VHL: variants seen among roughly 807,000 people sequenced by gnomAD.
VHL encodes von Hippel-Lindau tumor suppressor, also known as von Hippel-Lindau disease tumor suppressor.
In VHL, 10 loss-of-function variants were observed where a neutral mutation model predicts 19.2. That is an observed-to-expected ratio of 0.52 (90% CI 0.32 to 0.89). VHL has a LOEUF of 0.89. Ranked by LOEUF, VHL falls within the 40% of genes least tolerant of loss-of-function variation. The pLI is 0.03. For synonymous variants in VHL, 167 were observed against 129.5 expected, an observed-to-expected ratio of 1.29 and a Z score of -1.97; for missense variants, 328 against 292.7, an observed-to-expected ratio of 1.12 and a Z score of -0.88.
Position 10,149,990 on chromosome 3 carries a change from T to C in VHL, c.*25T>C, listed in dbSNP as rs373943536. The C allele has an allele frequency of 6.2e-7, 1 of 1,606,322 alleles. No homozygotes were observed. Among genetic ancestry groups the C allele is most frequent in the African/African-American group, 1.3e-5 (1 of 74,832 alleles). On this transcript the variant is annotated 3_prime_UTR_variant, in exon 3 of 3. Coordinates refer to ENST00000256474, the MANE Select transcript of VHL (RefSeq NM_000551.4). The stretch of plus-strand genomic sequence containing the variant: ...AAGATTTCTGTTGAAACTTACACTG[T>C]TTCATCTCAGCTTTTGATGGTACTG...
rs1194274714 is a variant in VHL, at chr3:10,152,611, C to G, written c.*2646C>G. On this transcript the variant is annotated 3_prime_UTR_variant, in exon 3 of 3. Transcript: ENST00000256474. Reference sequence around the variant, plus strand: ...GAGTTCAAGTGATTCTCCTGGCTCACCCTCCTGAGTAGCTGGGATTACAGG... The same window carrying G: ...GAGTTCAAGTGATTCTCCTGGCTCAGCCTCCTGAGTAGCTGGGATTACAGG... 6.8e-6 allele frequency among the ~76,000 whole-genome samples: 1 copy of G among 147,044 alleles called. No homozygotes were observed. Among genetic ancestry groups the G allele is most frequent in the Non-Finnish European group, 1.5e-5 (1 of 67,154 alleles).
rs1696367993 is a variant in VHL at position 10,149,960 on chromosome 3, G to C, written c.637G>C (p.Asp213His). 1 of 1,613,272 alleles carries C rather than the reference G, an allele frequency of 6.2e-7. No homozygotes were observed. The highest frequency in any genetic ancestry group is 8.5e-7 in the Non-Finnish European group (1 of 1,179,660). The change falls in exon 3 of 3, where the codon GAT becomes CAT. Residue 213 changes from aspartate (D) to histidine (H), a missense_variant. Physicochemically the swap from Asp to His is moderately conservative, Grantham distance 81 (BLOSUM62 -1). Transcript: ENST00000256474. ...GCGCATTGCACATCAACGGATGGGA[G>C]ATTGAAGATTTCTGTTGAAACTTAC... is the stretch of plus-strand genomic sequence containing the variant. Reference protein sequence around the residue: ...QERIAHQRMGD With the variant: ...QERIAHQRMGH
chr3:10,142,996 A>G lies in VHL; in HGVS notation c.340+809A>G, dbSNP rs1377166151. 1.3e-5 allele frequency: 2 copies of G among 152,324 alleles called. No homozygotes were observed. Among genetic ancestry groups the G allele is most frequent in the Non-Finnish European group, 2.9e-5 (2 of 68,120 alleles). The allele number at this position is 152,324 out of a possible 1,614,324, so 9.4% of individuals were successfully genotyped here. On this transcript the variant is annotated intron_variant, in intron 1 of 2. Coordinates refer to ENST00000256474, the MANE Select transcript of VHL (RefSeq NM_000551.4). Reference sequence around the variant, plus strand: ...CTTCCCGGAGAAGGAAGAGAGCAGGATGGAGTAGGAACTAGCCAACCCTAG... The same window carrying G: ...CTTCCCGGAGAAGGAAGAGAGCAGGGTGGAGTAGGAACTAGCCAACCCTAG...
chr3:10,153,530 G>A lies in VHL; in HGVS notation c.*3565G>A, dbSNP rs1696472030. Among the ~76,000 whole-genome samples, 3 of 151,760 alleles carry A rather than the reference G, an allele frequency of 2.0e-5. No individual in the cohort carries two copies. The highest frequency in any genetic ancestry group is 2.0e-4 in the Admixed American group (3 of 15,206). Reference sequence around the variant, plus strand: ...AAAACCTGTAGCATGAATAATGTTTGTTTTTCATTTCGAATCTTGTGAATG... The same window carrying A: ...AAAACCTGTAGCATGAATAATGTTTATTTTTCATTTCGAATCTTGTGAATG... On this transcript the variant is annotated 3_prime_UTR_variant, in exon 3 of 3. Coordinates refer to ENST00000256474, the MANE Select transcript of VHL (RefSeq NM_000551.4).
At chr3:10,145,555 A>G (rs1233127505) in intron 1 of VHL, among the ~76,000 whole-genome samples, 2 of 151,792 alleles carry the variant, frequency 1.3e-5, no homozygotes, top group Non-Finnish European at 2.9e-5. Flanking sequence ...AATAACAAAA[A>G]ATTAGCCGGG....
At chr3:10,143,851 G>T (rs949474557) in intron 1 of VHL, among the ~76,000 whole-genome samples, 3 of 152,188 alleles carry the variant, frequency 2.0e-5, no homozygotes, top group African/African-American at 4.8e-5. Context: ...GACTGCTGTC[G>T]AGGAAGCAGT....
chr3:10,151,832 A>G lies in VHL; in HGVS notation c.*1867A>G, dbSNP rs566885734. ...GTAATCCCAGTACTTTGGAAAGCCAAGGTAAGAGGATTGCTTGAGCCCAGA... is the reference window on the plus strand; with the variant it reads ...GTAATCCCAGTACTTTGGAAAGCCAGGGTAAGAGGATTGCTTGAGCCCAGA... On this transcript the variant is annotated 3_prime_UTR_variant, in exon 3 of 3. Transcript: ENST00000256474. 35 of 195,118 alleles carry G rather than the reference A, an allele frequency of 1.8e-4. No individual in the cohort carries two copies. The highest frequency in any genetic ancestry group is 1.4e-3 in the South Asian group (7 of 5,174). The allele number at this position is 195,118 out of a possible 1,614,324, so 12.1% of individuals were successfully genotyped here. A position where few individuals can be genotyped will look rare whatever the true frequency, so the allele number is the denominator to read the frequency against.
intron 1 of VHL, 136 bp downstream of exon 1, chr3:10,142,323 C>A: frequency 1.5e-6 from 1 of 679,304 alleles, no homozygotes; most frequent in Non-Finnish European, 2.4e-6. Context: ...TGACGCTGCT[C>A]GTAAGCGTCA....
intron 1 of VHL, 82 bp from the exon 2 acceptor site, chr3:10,146,432 C>T (rs2125128049): frequency 6.3e-7 from 1 of 1,594,766 alleles, no homozygotes; most frequent in Non-Finnish European, 8.6e-7. Flanking sequence ...CCTCGGCCTC[C>T]CAAAGTGCTG....
rs1389580152 is a variant in VHL at position 10,151,434 on chromosome 3, A to G, written c.*1469A>G. Reference sequence around the variant, plus strand: ...AGCTTTTTAAAAAAATCTCCCCAGTAGAGAAACATTTGGAAAAGACAGAAA... The same window carrying G: ...AGCTTTTTAAAAAAATCTCCCCAGTGGAGAAACATTTGGAAAAGACAGAAA... On this transcript the variant is annotated 3_prime_UTR_variant, in exon 3 of 3. Transcript: ENST00000256474. 6 of 222,760 alleles carry G rather than the reference A, an allele frequency of 2.7e-5. No homozygotes were observed. Among genetic ancestry groups the G allele is most frequent in the Admixed American group, 2.3e-4 (4 of 17,448 alleles). The allele number at this position is 222,760 out of a possible 1,614,324, so 13.8% of individuals were successfully genotyped here. A position where few individuals can be genotyped will look rare whatever the true frequency, so the allele number is the denominator to read the frequency against.
chr3:10,141,808 C>G lies in VHL; in HGVS notation c.-40C>G, dbSNP rs1052005754. The G allele has an allele frequency of 3.3e-6, 5 of 1,535,080 alleles. No homozygotes were observed. Among genetic ancestry groups the G allele is most frequent in the Non-Finnish European group, 4.4e-6 (5 of 1,139,820 alleles). ...TCCGCCCCGCGTCCGACCCGCGGATCCCGCGGCGTCCGGCCCGGGTGGTCT... is the reference window on the plus strand; with the variant it reads ...TCCGCCCCGCGTCCGACCCGCGGATGCCGCGGCGTCCGGCCCGGGTGGTCT... On this transcript the variant is annotated 5_prime_UTR_variant, in exon 1 of 3. It adds an upstream start codon to the 5' untranslated region. Transcript: ENST00000256474.
intron 1 of VHL, among the ~76,000 whole-genome samples, chr3:10,145,515 C>G (rs1696233416): frequency 6.6e-6 from 1 of 151,958 alleles, no homozygotes; most frequent in East Asian, 1.9e-4. Flanking sequence ...ACCATCCTGG[C>G]TAATACGGTG....
chr3:10,146,477 G>A lies in VHL; in HGVS notation c.341-37G>A, dbSNP rs115744107. ...GTGTGGGCCACCGTGCCCAGCCACC[G>A]GTGTGGCTCTTTAACAACCTTTGCT... On this transcript the variant is annotated intron_variant, in intron 1 of 2. Coordinates refer to ENST00000256474, the MANE Select transcript of VHL (RefSeq NM_000551.4). 6,192 of 1,611,068 alleles carry A rather than the reference G, an allele frequency of 3.8e-3. 183 individuals are homozygous for A. The African/African-American group carries it at 0.066, about 17-fold the overall frequency.
chr3:10,144,753 T>C (rs1246083606), intron 1 of VHL, among the ~76,000 whole-genome samples: 1 of 152,052 alleles, frequency 6.6e-6, no homozygotes, highest in African/African-American at 2.4e-5. Context: ...CATCTCTTTT[T>C]TATTTTTTTA....
chr3:10,149,054 G>C (rs1045169642), intron 2 of VHL, among the ~76,000 whole-genome samples: 2 of 151,106 alleles, frequency 1.3e-5, no homozygotes, highest in Non-Finnish European at 1.5e-5. Context: ...TCGTTGGTGT[G>C]GCTGCCTTTT....
chr3:10,149,134 A>G (rs1318634127), intron 2 of VHL, among the ~76,000 whole-genome samples: 1 of 144,018 alleles, frequency 6.9e-6, no homozygotes, highest in Non-Finnish European at 1.5e-5. Flanking sequence ...TTTTTTCAAG[A>G]TAGGGTCTCA....
At chr3:10,143,865 G>T (rs1696188106) in intron 1 of VHL, among the ~76,000 whole-genome samples, 2 of 152,200 alleles carry the variant, frequency 1.3e-5, no homozygotes, top group Non-Finnish European at 2.9e-5. Context: ...AAGCAGTTAG[G>T]TAGTTGTGAA....
intron 1 of VHL, among the ~76,000 whole-genome samples, chr3:10,145,996 C>T (rs1382953668): frequency 2.0e-5 from 1 of 49,052 alleles, no homozygotes; most frequent in East Asian, 7.7e-4. Flanking sequence ...ATACCTTGAG[C>T]ATGTCACTTC....
chr3:10,147,650 C>A (rs1176779808), intron 2 of VHL, among the ~76,000 whole-genome samples: 2 of 151,922 alleles, frequency 1.3e-5, no homozygotes, highest in Non-Finnish European at 2.9e-5. Context: ...CAGGCGTGAG[C>A]CACTGCGTCC....
Sources: allele counts gnomAD v4.1 joint callset (sites outside exome capture counted in the v4.1 genomes callset), GRCh38; gene constraint gnomAD v4.1.1; transcripts MANE v1.5; gene names NCBI Gene and HGNC (gene_info 2026-07-23, HGNC 2026-07-21).